ZNF69: variants seen among roughly 807,000 people sequenced by gnomAD.
ZNF69 encodes the protein zinc finger protein 69.
A neutral mutation model predicts 50.9 loss-of-function variants in ZNF69; 47 were observed. The ratio of observed to expected loss-of-function variants is 0.92; its 90% confidence interval spans 0.73 to 1.18. ZNF69 has a LOEUF of 1.18. ZNF69 is among the 50% of genes most tolerant of loss of function. The pLI is 0.00. For synonymous variants in ZNF69, 216 were observed against 223.1 expected, an observed-to-expected ratio of 0.97 and a Z score of 0.29; for missense variants, 717 against 675.1, an observed-to-expected ratio of 1.06 and a Z score of -0.69.
chr19:11,936,786 T>C, the ZNF69 span, among the ~76,000 whole-genome samples: 1 of 152,248 alleles, frequency 6.6e-6, no homozygotes, highest in East Asian at 1.9e-4. Flanking sequence ...TGAATGGTAT[T>C]GCCTAGGTTT....
chr19:11,967,595 G>A, the ZNF69 span, among the ~76,000 whole-genome samples: 1 of 152,088 alleles, frequency 6.6e-6, no homozygotes, highest in African/African-American at 2.4e-5. Context: ...AGTAGAGACG[G>A]GGTTTCACCG....
the ZNF69 span, chr19:11,948,606 T>C: frequency 1.2e-6 from 2 of 1,610,448 alleles, no homozygotes; most frequent in African/African-American, 1.3e-5. Flanking sequence ...AGAAACCCTA[T>C]GCTTGTAAAG....
the ZNF69 span, among the ~76,000 whole-genome samples, chr19:11,935,229 TC>T: frequency 7.2e-6 from 1 of 139,412 alleles, no homozygotes; most frequent in Non-Finnish European, 1.5e-5. Context: ...CTTGGAAAGA[TC>T]TTGTTTTTTT....
At chr19:11,950,794 T>C in the ZNF69 span, 164 of 181,932 alleles carry the variant, frequency 9.0e-4, no homozygotes, top group Admixed American at 1.6e-3. Context: ...ATTGTTATTA[T>C]TTGGACATTG....
chr19:11,948,674 G>A, the ZNF69 span: 9 of 1,612,378 alleles, frequency 5.6e-6, no homozygotes, highest in Non-Finnish European at 7.6e-6. Context: ...GTAATGCACA[G>A]TGGGGATGGA....
chr19:11,939,539 T>C, the ZNF69 span, among the ~76,000 whole-genome samples: 25 of 152,354 alleles, frequency 1.6e-4, no homozygotes, highest in South Asian at 2.7e-3. Context: ...TGGTTGTATA[T>C]GTGTGGTATT....
At chr19:11,936,039 A>G in the ZNF69 span, among the ~76,000 whole-genome samples, 1 of 152,190 alleles carries the variant, frequency 6.6e-6, no homozygotes, top group Non-Finnish European at 1.5e-5. Context: ...ACATGAACTC[A>G]TCCTTTTTTA....
the ZNF69 span, among the ~76,000 whole-genome samples, chr19:11,922,184 T>C: frequency 6.6e-6 from 1 of 152,236 alleles, no homozygotes; most frequent in Admixed American, 6.5e-5. Context: ...TTCTTAAGCA[T>C]TATTATGTTT....
chr19:11,963,090 T>TAGAGAGAGAGA, the ZNF69 span, among the ~76,000 whole-genome samples: 1 of 114,610 alleles, frequency 8.7e-6, no homozygotes, highest in Non-Finnish European at 1.6e-5. Flanking sequence ...AGAGAGAGAG[T>TAGAGAGAGAGA]GTGTGTGTGT....
At chr19:11,897,539 C>T (rs1266170775) in intron 1 of ZNF69, among the ~76,000 whole-genome samples, 1 of 149,272 alleles carries the variant, frequency 6.7e-6, no homozygotes, top group African/African-American at 2.5e-5. Flanking sequence ...TGCACCGCTA[C>T]ACTCCAGCCT....
At chr19:11,948,752 C>G in the ZNF69 span, 2 of 1,611,904 alleles carry the variant, frequency 1.2e-6, no homozygotes, top group Non-Finnish European at 1.7e-6. Context: ...CATGAAAGAA[C>G]TCACACTGGA....
chr19:11,888,526 T>C (rs1451123669), intron 1 of ZNF69, among the ~76,000 whole-genome samples: 1 of 152,188 alleles, frequency 6.6e-6, no homozygotes, highest in Non-Finnish European at 1.5e-5. Flanking sequence ...GGAGAGACCT[T>C]GGCCGAGGGA....
chr19:11,937,515 G>A, the ZNF69 span, among the ~76,000 whole-genome samples: 1 of 142,202 alleles, frequency 7.0e-6, no homozygotes, highest in East Asian at 2.0e-4. Context: ...TTGAGACAGA[G>A]TCTCGCTCTG....
downstream of ZNF69, among the ~76,000 whole-genome samples, chr19:11,909,419 A>G (rs576282939): frequency 5.4e-4 from 83 of 152,338 alleles, no homozygotes; most frequent in African/African-American, 1.7e-3. Context: ...AAAATCCTCA[A>G]TAAAATACTG....
chr19:11,937,128 G>A, the ZNF69 span, among the ~76,000 whole-genome samples: 1 of 152,152 alleles, frequency 6.6e-6, no homozygotes, highest in East Asian at 1.9e-4. Context: ...CATGCTTTTT[G>A]TGTTGTGTGT....
chr19:11,950,351 G>T, the ZNF69 span: 2 of 1,277,186 alleles, frequency 1.6e-6, no homozygotes, highest in Admixed American at 4.3e-5. Flanking sequence ...AGTTCTTTTC[G>T]ATATCATGAA....
the ZNF69 span, among the ~76,000 whole-genome samples, chr19:11,920,346 C>T: frequency 1.3e-5 from 2 of 152,084 alleles, no homozygotes; most frequent in South Asian, 4.2e-4. Context: ...CTCTTGATAT[C>T]AGGTGATCCA....
At chr19:11,937,491 T>C in the ZNF69 span, among the ~76,000 whole-genome samples, 1 of 114,058 alleles carries the variant, frequency 8.8e-6, no homozygotes, top group African/African-American at 4.4e-5. Flanking sequence ...TTTTCTTTCC[T>C]TTTTTTTTTT....
At chr19:11,920,959 TC>T in the ZNF69 span, among the ~76,000 whole-genome samples, 1 of 152,076 alleles carries the variant, frequency 6.6e-6, no homozygotes, top group African/African-American at 2.4e-5. Flanking sequence ...AGCTGTAACA[TC>T]CCAAGTTACA....
Sources: gnomAD v4.1 joint callset for allele counts (sites outside exome capture counted in the v4.1 genomes callset) on GRCh38, gnomAD v4.1.1 for gene constraint, MANE v1.5 for transcripts, NCBI Gene and HGNC (gene_info 2026-07-23, HGNC 2026-07-21) for gene names.